DIP2B: variants seen among roughly 807,000 people sequenced by gnomAD.
DIP2B encodes the protein DIP2 acetate--CoA ligase B (putative).
Under a neutral mutation model 198.0 loss-of-function variants are expected in DIP2B, and 76 were observed. The observed-to-expected ratio is 0.38, with a 90% confidence interval of 0.32 to 0.46. DIP2B has a LOEUF of 0.46. DIP2B is among the 20% of genes least tolerant of loss of function. The pLI is 0.99. For missense variants in DIP2B, 1,559 were observed against 1,978.4 expected (o/e 0.79, Z 4.02); for synonymous variants, 701 against 739.1 (o/e 0.95, Z 0.84).
chr12:50,644,467 C>T (rs535940833), intron 3 of DIP2B, among the ~76,000 whole-genome samples: 1 of 152,134 alleles, frequency 6.6e-6, no homozygotes, highest in African/African-American at 2.4e-5. Context: ...GAAAATGATA[C>T]CCAGCTTCCA....
chr12:50,584,205 T>C (rs1013414378), intron 1 of DIP2B, among the ~76,000 whole-genome samples: 2 of 152,230 alleles, frequency 1.3e-5, no homozygotes, highest in African/African-American at 4.8e-5. Flanking sequence ...CACCTTGATA[T>C]CAGTAACCTG....
chr12:50,565,194 G>A (rs1056980840), intron 1 of DIP2B, among the ~76,000 whole-genome samples: 3 of 151,920 alleles, frequency 2.0e-5, no homozygotes, highest in African/African-American at 4.8e-5. Context: ...ATGAGATCTC[G>A]TCATGTTGGT....
At chr12:50,602,243 A>G (rs990986026) in intron 1 of DIP2B, among the ~76,000 whole-genome samples, 2 of 152,200 alleles carry the variant, frequency 1.3e-5, no homozygotes, top group South Asian at 2.1e-4. Flanking sequence ...TAATACATAC[A>G]TATCTCTTGG....
intron 1 of DIP2B, among the ~76,000 whole-genome samples, chr12:50,624,734 T>G (rs1937898749): frequency 6.6e-6 from 1 of 152,220 alleles, no homozygotes; most frequent in Non-Finnish European, 1.5e-5. Flanking sequence ...TACTTACTCT[T>G]ACCCAGATCT....
intron 12 of DIP2B, 35 bp downstream of exon 12, chr12:50,686,717 T>C (rs1939137312): frequency 6.3e-7 from 1 of 1,589,240 alleles, no homozygotes; most frequent in South Asian, 1.1e-5. Context: ...CTTTCAGGCT[T>C]TTCCTTGGGC....
At chr12:50,721,960 G>GTTGAAGGGTTGTGAGTT (rs1939844144) in intron 26 of DIP2B, among the ~76,000 whole-genome samples, 2 of 150,876 alleles carry the variant, frequency 1.3e-5, no homozygotes, top group Admixed American at 1.3e-4. Context: ...CTTAGATGTT[G>GTTGAAGGGTTGTGAGTT]TTGAAGGGGT....
rs1452793433 is a variant in DIP2B at position 50,620,576 on chromosome 12, C to T, written c.101-5400C>T. The stretch of plus-strand genomic sequence containing the variant: ...CCACTCCTGCCAAGCGCTGCAGGCA[C>T]CTGGACAAAAGACGTTACTCTAGTG... On this transcript the variant is annotated intron_variant, in intron 1 of 37. Coordinates refer to ENST00000301180, the MANE Select transcript of DIP2B (RefSeq NM_173602.3). Among the ~76,000 whole-genome samples the T allele has an allele frequency of 1.7e-4, 26 of 152,152 alleles. 1 individual carries two copies. The highest frequency in any genetic ancestry group is 1.7e-3 in the Admixed American group (26 of 15,276).
At chr12:50,554,449 G>C (rs190647619) in intron 1 of DIP2B, among the ~76,000 whole-genome samples, 1 of 152,056 alleles carries the variant, frequency 6.6e-6, no homozygotes, top group East Asian at 1.9e-4. Flanking sequence ...TATTTTCTAT[G>C]TATTTGTCAT....
At chr12:50,738,591 C>G (rs1394276651) in intron 35 of DIP2B, among the ~76,000 whole-genome samples, 1 of 152,148 alleles carries the variant, frequency 6.6e-6, no homozygotes, top group Non-Finnish European at 1.5e-5. Context: ...TCAAGTGATT[C>G]TCCTGCCTCA....
chr12:50,556,238 C>A (rs562425213), intron 1 of DIP2B, among the ~76,000 whole-genome samples: 1 of 151,530 alleles, frequency 6.6e-6, no homozygotes, highest in South Asian at 2.1e-4. Flanking sequence ...TTAGTAGAGA[C>A]GGAGTTTTAC....
At chr12:50,641,706 C>T (rs1216134700) in intron 3 of DIP2B, among the ~76,000 whole-genome samples, 3 of 152,176 alleles carry the variant, frequency 2.0e-5, no homozygotes, top group African/African-American at 7.2e-5. Context: ...TTGTACTGTG[C>T]TTGGGACCAC....
chr12:50,533,235 C>T (rs1232263066), intron 1 of DIP2B, among the ~76,000 whole-genome samples: 1 of 152,188 alleles, frequency 6.6e-6, no homozygotes, highest in Non-Finnish European at 1.5e-5. Flanking sequence ...TCAGTCTCAT[C>T]AAATTCAAGA....
At chr12:50,667,158 A>G (rs1342336193) in intron 4 of DIP2B, among the ~76,000 whole-genome samples, 1 of 152,132 alleles carries the variant, frequency 6.6e-6, no homozygotes, top group Non-Finnish European at 1.5e-5. Flanking sequence ...GCGTGAGACA[A>G]TGCGCCCGGC....
intron 30 of DIP2B, among the ~76,000 whole-genome samples, chr12:50,730,056 T>G (rs1940011081): frequency 6.6e-6 from 1 of 152,150 alleles, no homozygotes; most frequent in African/African-American, 2.4e-5. Flanking sequence ...GATACACTAT[T>G]GGGTTCAAGC....
intron 1 of DIP2B, among the ~76,000 whole-genome samples, chr12:50,574,727 G>A (rs1958643463): frequency 1.3e-5 from 2 of 152,328 alleles, no homozygotes; most frequent in Non-Finnish European, 2.9e-5. Flanking sequence ...CTGGTACTTC[G>A]TTCCCTCTTC....
At chr12:50,614,870 G>A (rs544773748) in intron 1 of DIP2B, among the ~76,000 whole-genome samples, 32 of 152,132 alleles carry the variant, frequency 2.1e-4, no homozygotes, top group Non-Finnish European at 7.3e-5. Flanking sequence ...CTCCTTACTT[G>A]TGTTTTTCCC....
chr12:50,680,727 G>A lies in DIP2B; in HGVS notation c.1170G>A (p.Gly390=), dbSNP rs1053516441. The A allele has an allele frequency of 7.4e-6, 12 of 1,613,940 alleles. No individual in the cohort carries two copies. The South Asian group carries it at 1.1e-4, about 15-fold the overall frequency. ...KLAYTLLNKL[G]TKNEPVLKPG... is the part of the protein sequence containing the mutation. The stretch of plus-strand genomic sequence containing the variant: ...CCTACACACTTCTTAATAAACTGGG[G>A]ACCAAAAATGAACCTGTGTTAAAAC... The change falls in exon 9 of 38, where the codon GGG becomes GGA. Residue 390 remains glycine (G), a synonymous_variant. Coordinates refer to ENST00000301180, the MANE Select transcript of DIP2B (RefSeq NM_173602.3).
intron 16 of DIP2B, among the ~76,000 whole-genome samples, chr12:50,696,221 T>C (rs2684892): frequency 1 from 152,197 of 152,354 alleles, 76,021 homozygotes; most frequent in Middle Eastern, 1. Context: ...CAGCCCTAGA[T>C]GACTGCTAAT....
At chr12:50,553,307 C>G (rs1220701221) in intron 1 of DIP2B, among the ~76,000 whole-genome samples, 1 of 152,180 alleles carries the variant, frequency 6.6e-6, no homozygotes, top group Non-Finnish European at 1.5e-5. Context: ...TTTGTGTGAT[C>G]ATTTGAATAT....
Sources: gnomAD v4.1 joint callset for allele counts (sites outside exome capture counted in the v4.1 genomes callset) on GRCh38, gnomAD v4.1.1 for gene constraint, MANE v1.5 for transcripts, NCBI Gene and HGNC (gene_info 2026-07-23, HGNC 2026-07-21) for gene names.